Variants in ZNF605 observed in about 807,000 individuals in gnomAD.
ZNF605 encodes zinc finger protein 605.
In ZNF605, 9 loss-of-function variants were observed where a neutral mutation model predicts 7.9. That is an observed-to-expected ratio of 1.14 (90% CI 0.68 to 1.98). The LOEUF is 1.98. Ranked by LOEUF, ZNF605 falls within the 30% of genes most tolerant of loss-of-function variation. The pLI, the probability that ZNF605 is intolerant of heterozygous loss-of-function variation, is 0.00. For synonymous variants in ZNF605, 255 were observed against 260.1 expected (o/e 0.98, Z 0.19); for missense variants, 673 against 762.4 (o/e 0.88, Z 1.38).
At chr12:132,932,141 T>C (rs1952314485) in intron 4 of ZNF605, among the ~76,000 whole-genome samples, 2 of 152,060 alleles carry the variant, frequency 1.3e-5, no homozygotes, top group African/African-American at 4.8e-5. Context: ...TATGGGGTCT[T>C]GCTTTGTTGC....
chr12:132,949,500 T>C (rs1952535145), intron 1 of ZNF605, among the ~76,000 whole-genome samples: 3 of 152,130 alleles, frequency 2.0e-5, no homozygotes, highest in Non-Finnish European at 2.9e-5. Context: ...TCTTAACCTG[T>C]CTCTTCTCAT....
At chr12:132,935,635 G>A (rs1321889257) in intron 3 of ZNF605, among the ~76,000 whole-genome samples, 3 of 152,098 alleles carry the variant, frequency 2.0e-5, no homozygotes, top group African/African-American at 4.8e-5. Flanking sequence ...GCTCACGCCT[G>A]TAACCCCAGC....
intron 4 of ZNF605, among the ~76,000 whole-genome samples, chr12:132,931,282 A>T (rs1007619079): frequency 1.3e-5 from 2 of 152,218 alleles, no homozygotes; most frequent in Non-Finnish European, 2.9e-5. Flanking sequence ...ATCTGGGTCC[A>T]TAATAACCAA....
At chr12:132,950,804 TAC>T (rs1196587990) in intron 1 of ZNF605, among the ~76,000 whole-genome samples, 9 of 150,376 alleles carry the variant, frequency 6.0e-5, no homozygotes, top group Admixed American at 3.3e-4. Flanking sequence ...TGATACATCA[TAC>T]ACAGAGACAT....
rs1952204328 is a variant in ZNF605 at position 132,921,403 on chromosome 12, G to A, written c.*3970C>T. On this transcript the variant is annotated 3_prime_UTR_variant, in exon 5 of 5. Coordinates refer to ENST00000360187, the MANE Select transcript of ZNF605 (RefSeq NM_183238.4). ...AAATTTTCTAAGGTAAGGAGAGTGA[G>A]AATGGCCTTTCCCCTTTAGTCTATG... 1 of 152,176 alleles carries A rather than the reference G, an allele frequency of 6.6e-6. No homozygotes were observed. The highest frequency in any genetic ancestry group is 2.1e-4 in the South Asian group (1 of 4,838). 9.4% of individuals were successfully genotyped at this position (152,176 alleles called of 1,614,324 possible).
At position 132,919,438 on chromosome 12, in the gene ZNF605, T is replaced by TG. The variant is rs1337886150; in HGVS notation, c.*5934dup. On this transcript the variant is annotated 3_prime_UTR_variant, in exon 5 of 5. Coordinates refer to ENST00000360187, the MANE Select transcript of ZNF605 (RefSeq NM_183238.4). ...TCTCGCTTTGTCGCTCAGGCCAGAGTGAGTGCAGTGGCGCGATCTCAGCTC... is the reference window on the plus strand; with the variant it reads ...TCTCGCTTTGTCGCTCAGGCCAGAGTGGAGTGCAGTGGCGCGATCTCAGCTC... The TG allele has an allele frequency of 4.2e-5, 6 of 142,806 alleles. No individual in the cohort carries two copies. Among genetic ancestry groups the TG allele is most frequent in the African/African-American group, 1.6e-4 (6 of 37,552 alleles). The allele number at this position is 142,806 out of a possible 1,614,324, so 8.8% of individuals were successfully genotyped here.
chr12:132,928,852 T>A (rs1409523615), intron 4 of ZNF605, among the ~76,000 whole-genome samples: 2 of 149,236 alleles, frequency 1.3e-5, no homozygotes, highest in African/African-American at 4.9e-5. Flanking sequence ...TCTCTTCAAA[T>A]TTTTTTTTTC....
chr12:132,931,643 C>T (rs1172785738), intron 4 of ZNF605, among the ~76,000 whole-genome samples: 2 of 152,034 alleles, frequency 1.3e-5, no homozygotes, highest in Admixed American at 1.3e-4. Context: ...GAGCACAAAT[C>T]TAGCTCAAAT....
rs941123721 is a variant in ZNF605 at position 132,931,350 on chromosome 12, A to C, written c.136+1685T>G. Among the ~76,000 whole-genome samples the C allele has an allele frequency of 3.3e-3, 496 of 152,314 alleles. 1 individual carries two copies. Among genetic ancestry groups the C allele is most frequent in the Middle Eastern group, 0.031 (9 of 294 alleles). On this transcript the variant is annotated intron_variant, in intron 4 of 4. Transcript: ENST00000360187. The stretch of plus-strand genomic sequence containing the variant: ...TTCCACAGAGAACACAGACTACGTT[A>C]CTGGCAATCTCTCTTTATGGGGAAA...
At chr12:132,931,557 G>A (rs1029615574) in intron 4 of ZNF605, among the ~76,000 whole-genome samples, 6 of 152,132 alleles carry the variant, frequency 3.9e-5, no homozygotes, top group Admixed American at 1.3e-4. Flanking sequence ...CATAATCAGA[G>A]GTACAGATGC....
chr12:132,951,760 T>C (rs1350660006), intron 1 of ZNF605, among the ~76,000 whole-genome samples: 2 of 151,044 alleles, frequency 1.3e-5, no homozygotes, highest in Non-Finnish European at 3.0e-5. Context: ...ACAACACACA[T>C]CACACAGACA....
intron 2 of ZNF605, among the ~76,000 whole-genome samples, chr12:132,946,653 G>A (rs1952496812): frequency 6.6e-6 from 1 of 152,220 alleles, no homozygotes; most frequent in South Asian, 2.1e-4. Context: ...TGTTCTTTGG[G>A]TATTTTCTGA....
rs1200671312 is a variant in ZNF605 at position 132,925,153 on chromosome 12, A to G, written c.*220T>C. The G allele has an allele frequency of 1.1e-5, 5 of 441,070 alleles. No individual in the cohort carries two copies. The highest frequency in any genetic ancestry group is 2.0e-5 in the Non-Finnish European group (5 of 250,968). 27.3% of individuals were successfully genotyped at this position (441,070 alleles called of 1,614,324 possible). A position where few individuals can be genotyped will look rare whatever the true frequency, so the allele number is the denominator to read the frequency against. On this transcript the variant is annotated 3_prime_UTR_variant, in exon 5 of 5. Coordinates refer to ENST00000360187, the MANE Select transcript of ZNF605 (RefSeq NM_183238.4). Reference sequence around the variant, plus strand: ...TTTTCACCTCAATGAGTCATCCAATATGTAACGAGTAGTGTCTTCTGGGAG... The same window carrying G: ...TTTTCACCTCAATGAGTCATCCAATGTGTAACGAGTAGTGTCTTCTGGGAG...
intron 4 of ZNF605, among the ~76,000 whole-genome samples, chr12:132,932,513 T>C (rs1952317785): frequency 6.6e-6 from 1 of 152,146 alleles, no homozygotes; most frequent in Non-Finnish European, 1.5e-5. Context: ...ATAAACTCCA[T>C]GGAGAAAAGA....
At chr12:132,951,322 A>G (rs1396598975) in intron 1 of ZNF605, among the ~76,000 whole-genome samples, 1 of 151,260 alleles carries the variant, frequency 6.6e-6, no homozygotes, top group African/African-American at 2.4e-5. Context: ...ACACACTGAT[A>G]CACACGTACA....
Position 132,926,123 on chromosome 12 carries a change from G to A in ZNF605, c.1176C>T (p.Asn392=). The change falls in exon 5 of 5, where the codon AAC becomes AAT. Residue 392 remains asparagine (N), a synonymous_variant. Transcript: ENST00000360187. ...KHQITHTGEK[N]YRCSDCEEAF... Reference sequence around the variant, plus strand: ...CCTCCTCACAATCACTGCATCGATAGTTCTTCTCTCCTGTGTGAGTTATCT... The same window carrying A: ...CCTCCTCACAATCACTGCATCGATAATTCTTCTCTCCTGTGTGAGTTATCT... The A allele has an allele frequency of 6.2e-7, 1 of 1,614,198 alleles. No homozygotes were observed. Among genetic ancestry groups the A allele is most frequent in the South Asian group, 1.1e-5 (1 of 91,082 alleles).
At position 132,918,369 on chromosome 12, in the gene ZNF605, T is replaced by G. The variant is rs1312519044; in HGVS notation, c.*7004A>C. 6.6e-6 allele frequency: 1 copy of G among 152,258 alleles called. No homozygotes were observed. The highest frequency in any genetic ancestry group is 6.5e-5 in the Admixed American group (1 of 15,290). 9.4% of individuals were successfully genotyped at this position (152,258 alleles called of 1,614,324 possible). A position where few individuals can be genotyped will look rare whatever the true frequency, so the allele number is the denominator to read the frequency against. Reference sequence around the variant, plus strand: ...AGTGATCACACTCACACATATGAATTCATGAAACAGTTTACTCAGTTAACA... The same window carrying G: ...AGTGATCACACTCACACATATGAATGCATGAAACAGTTTACTCAGTTAACA... On this transcript the variant is annotated 3_prime_UTR_variant, in exon 5 of 5. Coordinates refer to ENST00000360187, the MANE Select transcript of ZNF605 (RefSeq NM_183238.4).
rs1174474732 is a variant in ZNF605, at chr12:132,925,275, C to T, written c.*98G>A. The T allele has an allele frequency of 1.2e-6, 1 of 857,220 alleles. No individual in the cohort carries two copies. The highest frequency in any genetic ancestry group is 1.7e-5 in the African/African-American group (1 of 58,612). The allele number at this position is 857,220 out of a possible 1,614,324, so 53.1% of individuals were successfully genotyped here. ...TCAATTCAAGCTTTTTCAACAGTCA[C>T]TGCCTCAATAGGGTTTCTCTCCCAC... is the stretch of plus-strand genomic sequence containing the variant. On this transcript the variant is annotated 3_prime_UTR_variant, in exon 5 of 5. Coordinates refer to ENST00000360187, the MANE Select transcript of ZNF605 (RefSeq NM_183238.4).
chr12:132,933,123 C>G lies in ZNF605; in HGVS notation c.48G>C (p.Thr16=). The G allele has an allele frequency of 3.1e-6, 5 of 1,611,438 alleles. No homozygotes were observed. Among genetic ancestry groups the G allele is most frequent in the South Asian group, 1.1e-5 (1 of 90,754 alleles). ...GATTAAGTAGCTGCCATTCCTCCAG[C>G]GTGAAATCCACAGCCACATCCTCAA... ...ISFEDVAVDF[T]LEEWQLLNPT... is the part of the protein sequence containing the mutation. Residue 16 remains threonine, a synonymous_variant, in exon 4 of 5, where the codon ACG becomes ACC. Transcript: ENST00000360187. The surrounding 1 kb of genome is among the most constrained non-coding windows in gnomAD (Gnocchi z 4.4).
Sources: gnomAD v4.1 joint callset for allele counts (sites outside exome capture counted in the v4.1 genomes callset) on GRCh38, gnomAD v4.1.1 for gene constraint, Gnocchi (gnomAD v3.1) non-coding constraint, MANE v1.5 for transcripts, NCBI Gene and HGNC (gene_info 2026-07-23, HGNC 2026-07-21) for gene names.